The following AHCTF1 variants were observed in gnomAD, a reference collection of about 807,000 sequenced individuals.
AHCTF1 encodes the protein AT-hook containing transcription factor 1, also known as protein ELYS.
AHCTF1 carries 24 observed loss-of-function variants against 248.4 expected under a neutral mutation model. The ratio of observed to expected loss-of-function variants is 0.10; its 90% CI spans 0.07 to 0.14. The LOEUF is 0.14. AHCTF1 is among the 10% of genes least tolerant of loss of function. The pLI, the probability that AHCTF1 is intolerant of heterozygous loss-of-function variation, is 1.00. For missense variants in AHCTF1, 2,206 were observed against 2,636.2 expected (o/e 0.84, Z 3.57); for synonymous variants, 786 against 929.8 (o/e 0.85, Z 2.81).
chr1:246,848,404 T>G (rs1317150015), intron 33 of AHCTF1, among the ~76,000 whole-genome samples: 1 of 151,600 alleles, frequency 6.6e-6, no homozygotes, highest in Non-Finnish European at 1.5e-5. Flanking sequence ...TTTTTAGTAG[T>G]GTTAGCCAGG....
chr1:246,876,933 GACA>G lies in AHCTF1; in HGVS notation c.2937+14_2937+16del. The G allele has an allele frequency of 2.5e-6, 4 of 1,610,686 alleles. No homozygotes were observed. The highest frequency in any genetic ancestry group is 3.4e-6 in the Non-Finnish European group (4 of 1,179,366). ...CTTATTCTCTTATCCCCCATAATAA[GACA>G]ACTTTAATCGTACCATAACATTAAT... On this transcript the variant is annotated intron_variant, in intron 23 of 35. Coordinates refer to ENST00000648844, the MANE Select transcript of AHCTF1 (RefSeq NM_001323342.2).
At chr1:246,925,626 A>G (rs1032702817) in intron 1 of AHCTF1, among the ~76,000 whole-genome samples, 1 of 152,184 alleles carries the variant, frequency 6.6e-6, no homozygotes, top group African/African-American at 2.4e-5. Context: ...AATATAAAAA[A>G]TAAACCTAAT....
intron 24 of AHCTF1, among the ~76,000 whole-genome samples, chr1:246,870,965 C>T (rs990711304): frequency 3.9e-5 from 6 of 152,170 alleles, no homozygotes; most frequent in African/African-American, 9.7e-5. Context: ...ACTGAGCCTT[C>T]GAAAAACTAA....
chr1:246,879,506 C>A (rs143648189), intron 21 of AHCTF1, among the ~76,000 whole-genome samples: 2 of 152,182 alleles, frequency 1.3e-5, no homozygotes, highest in Admixed American at 6.5e-5. Flanking sequence ...GTTGAAACAA[C>A]CTAAATGTTC....
intron 3 of AHCTF1, among the ~76,000 whole-genome samples, chr1:246,913,979 G>A (rs1057185369): frequency 7.2e-5 from 11 of 152,078 alleles, no homozygotes; most frequent in African/African-American, 2.7e-4. Flanking sequence ...AGACTGAAGA[G>A]GTCTAACCTT....
At chr1:246,860,826 G>A in intron 29 of AHCTF1, 73 bp downstream of exon 29, 2 of 1,535,492 alleles carry the variant, frequency 1.3e-6, no homozygotes, top group Non-Finnish European at 1.8e-6. Context: ...TTCTTATGGT[G>A]GAAAAAATTC....
At chr1:246,905,252 C>A (rs990524368) in intron 6 of AHCTF1, among the ~76,000 whole-genome samples, 3 of 152,146 alleles carry the variant, frequency 2.0e-5, no homozygotes, top group Non-Finnish European at 4.4e-5. Context: ...GTAATCCCAG[C>A]ACTTTGGGAG....
chr1:246,915,809 C>T (rs1666105294), intron 3 of AHCTF1, among the ~76,000 whole-genome samples: 1 of 152,006 alleles, frequency 6.6e-6, no homozygotes, highest in Admixed American at 6.6e-5. Context: ...TTCGAGTGTC[C>T]TCATAGAACA....
chr1:246,925,827 T>G (rs554069657), intron 1 of AHCTF1, among the ~76,000 whole-genome samples: 1 of 152,096 alleles, frequency 6.6e-6, no homozygotes, highest in South Asian at 2.1e-4. Context: ...CCCAGCACTT[T>G]GGGAGGCTGA....
In AHCTF1 at chr1:246,888,583, T is replaced by C. The variant is rs745741965; in HGVS notation, c.2145-66A>G. 7 of 1,546,548 alleles carry C rather than the reference T, an allele frequency of 4.5e-6. No individual in the cohort carries two copies. In the South Asian group the frequency reaches 5.9e-5, roughly 13 times the overall value. On this transcript the variant is annotated intron_variant, in intron 17 of 35. Transcript: ENST00000648844. ...TTAATTAATATCAAAGCAACCAGCATCAAAATATTAAAAGTAATAATCCCA... is the reference window on the plus strand; with the variant it reads ...TTAATTAATATCAAAGCAACCAGCACCAAAATATTAAAAGTAATAATCCCA...
chr1:246,873,102 T>G (rs1238843032), intron 24 of AHCTF1, among the ~76,000 whole-genome samples: 1 of 152,170 alleles, frequency 6.6e-6, no homozygotes, highest in Non-Finnish European at 1.5e-5. Context: ...TTCGACTTAT[T>G]CCTATAAGCC....
intron 11 of AHCTF1, among the ~76,000 whole-genome samples, chr1:246,898,769 T>C (rs1664785761): frequency 6.6e-6 from 1 of 152,176 alleles, no homozygotes; most frequent in African/African-American, 2.4e-5. Flanking sequence ...AATGAAAAGG[T>C]CTGCCACATC....
Position 246,891,877 on chromosome 1 carries a change from T to C in AHCTF1, c.1847A>G (p.Gln616Arg), listed in dbSNP as rs752175697. The change falls in exon 15 of 36, where the codon CAA (glutamine) becomes CGA (arginine). Residue 616 changes from glutamine to arginine, a missense_variant. Gln to Arg is a conservative substitution (Grantham distance 43). Transcript: ENST00000648844. ...FDGSCHFMDP[Q>R]TIQSIQQCYL... ...GCATTGCTGGATAGACTGTATAGTT[T>C]GTGGATCCATGAAATGACACGAACC... is the stretch of plus-strand genomic sequence containing the variant. The C allele has an allele frequency of 1.3e-6, 2 of 1,596,734 alleles. No homozygotes were observed. Among genetic ancestry groups the C allele is most frequent in the Non-Finnish European group, 1.7e-6 (2 of 1,175,016 alleles).
chr1:246,842,745 C>T lies in AHCTF1; in HGVS notation c.6557G>A (p.Gly2186Glu), dbSNP rs758763048. The change falls in exon 35 of 36, where the codon GGA becomes GAA. Residue 2186 changes from glycine (G) to glutamate (E), a missense_variant. Gly to Glu is a moderately conservative substitution (Grantham distance 98, BLOSUM62 -2). Around this residue, in one of 6 missense-constraint regions of AHCTF1, gnomAD observed 469 missense variants for 470.0 expected, o/e 1.00. Transcript: ENST00000648844. ...KDDAQSVETL[G>E]KPKAKRIRTS... is the part of the protein sequence containing the mutation. The stretch of plus-strand genomic sequence containing the variant: ...CCTGATTCGTTTCGCTTTTGGCTTT[C>T]CCAGAGTTTCTACTGATTGTGCATC... The T allele has an allele frequency of 7.4e-6, 12 of 1,613,602 alleles. No individual in the cohort carries two copies. In the Admixed American group the frequency reaches 1.7e-4, roughly 22 times the overall value.
chr1:246,912,695 A>G (rs1665894551), intron 4 of AHCTF1, among the ~76,000 whole-genome samples: 1 of 152,230 alleles, frequency 6.6e-6, no homozygotes, highest in Non-Finnish European at 1.5e-5. Context: ...GAGAAAAAGT[A>G]TTTCATTTTC....
chr1:246,898,917 A>G (rs561752237), intron 11 of AHCTF1, among the ~76,000 whole-genome samples: 136 of 152,180 alleles, frequency 8.9e-4, no homozygotes, highest in Admixed American at 3.5e-3. Context: ...GTGAAACCCC[A>G]TCTCTACTAA....
intron 27 of AHCTF1, among the ~76,000 whole-genome samples, chr1:246,862,407 G>T (rs1397103562): frequency 6.6e-6 from 1 of 151,994 alleles, no homozygotes; most frequent in Non-Finnish European, 1.5e-5. Flanking sequence ...ATGAACCCGG[G>T]AGGTGGAGCT....
chr1:246,913,446 T>C (rs766991103), intron 3 of AHCTF1, 34 bp from the exon 4 acceptor site: 1 of 1,562,092 alleles, frequency 6.4e-7, no homozygotes, highest in South Asian at 1.2e-5. Context: ...GCTTTTCTTC[T>C]GCAAAGTAAG....
rs138981192 is a variant in AHCTF1 at position 246,900,976 on chromosome 1, G to C, written c.1118-507C>G. On this transcript the variant is annotated intron_variant, in intron 8 of 35. Transcript: ENST00000648844. ...ATGGAAAGACAGGAATAGAGTAAGA[G>C]ACATCAACAGGAGAAGAAGAAAGTA... is the stretch of plus-strand genomic sequence containing the variant. 2.6e-5 allele frequency among the ~76,000 whole-genome samples: 4 copies of C among 152,226 alleles called. No homozygotes were observed. The East Asian group carries it at 7.7e-4, about 29-fold the overall frequency.
Sources: allele counts gnomAD v4.1 joint callset (sites outside exome capture counted in the v4.1 genomes callset), GRCh38; gene constraint gnomAD v4.1.1; regional missense constraint gnomAD v4.1.1; transcripts MANE v1.5; gene names NCBI Gene and HGNC (gene_info 2026-07-23, HGNC 2026-07-21).